The following CERKL variants were observed in gnomAD, a reference collection of about 807,000 sequenced individuals.
The protein encoded by CERKL is CERK like autophagy regulator.
Under a neutral mutation model 63.4 loss-of-function variants are expected in CERKL, and 61 were observed. The observed-to-expected ratio is 0.96, with a 90% CI of 0.78 to 1.19. CERKL has a LOEUF of 1.19. CERKL is among the 50% of genes most tolerant of loss of function. The probability of loss-of-function intolerance (pLI) is 0.00; values close to 1 mark genes in which losing one functional copy is unlikely to be tolerated. For missense variants in CERKL, 675 were observed against 655.5 expected (o/e 1.03, Z -0.33); for synonymous variants, 250 against 230.5 (o/e 1.08, Z -0.77).
intron 11 of CERKL, among the ~76,000 whole-genome samples, chr2:181,541,423 A>G (rs1281147788): frequency 6.6e-6 from 1 of 152,214 alleles, no homozygotes; most frequent in African/African-American, 2.4e-5. Context: ...AACCTTAGCC[A>G]ATGAATAAAA....
chr2:181,596,489 T>C (rs1685214773), intron 2 of CERKL, among the ~76,000 whole-genome samples: 1 of 152,180 alleles, frequency 6.6e-6, no homozygotes, highest in Non-Finnish European at 1.5e-5. Flanking sequence ...GGGCTGTTGA[T>C]GGACAAAGAG....
At chr2:181,653,889 A>C (rs1269645202) in intron 1 of CERKL, among the ~76,000 whole-genome samples, 1 of 152,224 alleles carries the variant, frequency 6.6e-6, no homozygotes. Context: ...TTACAAAATA[A>C]CTAGAAGAGA....
chr2:181,588,642 T>C (rs996169941), intron 2 of CERKL, among the ~76,000 whole-genome samples: 8 of 152,206 alleles, frequency 5.3e-5, no homozygotes, highest in Non-Finnish European at 8.8e-5. Context: ...GTAGTTCTAC[T>C]TTAAACTGTT....
intron 2 of CERKL, among the ~76,000 whole-genome samples, chr2:181,599,241 A>G (rs1640179060): frequency 6.6e-6 from 1 of 152,126 alleles, no homozygotes; most frequent in African/African-American, 2.4e-5. Context: ...ACATCAAAAT[A>G]CACTTGGAAG....
chr2:181,601,287 C>T (rs968147210), intron 2 of CERKL, among the ~76,000 whole-genome samples: 3 of 152,158 alleles, frequency 2.0e-5, no homozygotes, highest in Non-Finnish European at 4.4e-5. Context: ...CAGCCAGGTG[C>T]GGTGGCTAAC....
chr2:181,612,612 AT>A (rs1458083148), intron 1 of CERKL, among the ~76,000 whole-genome samples: 3 of 152,120 alleles, frequency 2.0e-5, no homozygotes, highest in Non-Finnish European at 4.4e-5. Context: ...AATTAAACAT[AT>A]TAAATATTAT....
chr2:181,562,454 A>G (rs182911358), intron 4 of CERKL, among the ~76,000 whole-genome samples: 1,782 of 152,330 alleles, frequency 0.012, 10 homozygotes, highest in Non-Finnish European at 0.019. Context: ...ACCTCTTTAA[A>G]TATTTTACAG....
chr2:181,584,059 C>A (rs72885331), intron 2 of CERKL, among the ~76,000 whole-genome samples: 1 of 152,038 alleles, frequency 6.6e-6, no homozygotes, highest in African/African-American at 2.4e-5. Context: ...AACACATTGG[C>A]AGAATAAAAT....
intron 2 of CERKL, among the ~76,000 whole-genome samples, chr2:181,590,993 AC>A (rs1001554746): frequency 1.3e-4 from 20 of 151,872 alleles, no homozygotes; most frequent in African/African-American, 4.1e-4. Flanking sequence ...GATACTAGAA[AC>A]AGTCAAAATG....
At chr2:181,582,096 C>G (rs1021628481) in intron 2 of CERKL, among the ~76,000 whole-genome samples, 2 of 152,196 alleles carry the variant, frequency 1.3e-5, no homozygotes, top group Non-Finnish European at 1.5e-5. Flanking sequence ...TCTCTTTCAA[C>G]TCGACTAATT....
At chr2:181,609,899 C>T (rs761729507) in intron 1 of CERKL, among the ~76,000 whole-genome samples, 1 of 151,980 alleles carries the variant, frequency 6.6e-6, no homozygotes, top group African/African-American at 2.4e-5. Flanking sequence ...TGATTTAGAA[C>T]TGACTAATCT....
chr2:181,565,388 G>A, intron 4 of CERKL: 1 of 1,396,492 alleles, frequency 7.2e-7, no homozygotes, highest in Non-Finnish European at 1.0e-6. Flanking sequence ...TAGCAAATTG[G>A]TTCACCTAAT....
At chr2:181,571,889 C>T (rs59974495) in intron 3 of CERKL, among the ~76,000 whole-genome samples, 15,991 of 152,180 alleles carry the variant, frequency 0.11, 945 homozygotes, top group African/African-American at 0.14. Flanking sequence ...AATTCATCTT[C>T]AGGATTAAAG....
At chr2:181,571,910 C>T (rs947745334) in intron 3 of CERKL, among the ~76,000 whole-genome samples, 5 of 152,256 alleles carry the variant, frequency 3.3e-5, no homozygotes, top group Non-Finnish European at 7.4e-5. Context: ...CATGTTGGGT[C>T]TCTCTTGCAC....
At chr2:181,577,777 G>A (rs567614702) in intron 2 of CERKL, among the ~76,000 whole-genome samples, 1 of 152,054 alleles carries the variant, frequency 6.6e-6, no homozygotes, top group African/African-American at 2.4e-5. Context: ...AGTTATGGTT[G>A]GCGAGTAAGG....
intron 1 of CERKL, among the ~76,000 whole-genome samples, chr2:181,629,867 CA>C (rs1403194475): frequency 6.6e-6 from 1 of 151,322 alleles, no homozygotes; most frequent in Non-Finnish European, 1.5e-5. Context: ...CCCATCTTTC[CA>C]AGCCATTTTA....
intron 8 of CERKL, 46 bp from the exon 9 acceptor site, chr2:181,547,893 G>A (rs370307513): frequency 9.8e-4 from 1,011 of 1,030,726 alleles, no homozygotes; most frequent in East Asian, 1.1e-3. Context: ...GATAACGCGC[G>A]CACAGACACA....
chr2:181,588,415 C>T (rs922460683), intron 2 of CERKL, among the ~76,000 whole-genome samples: 1 of 152,140 alleles, frequency 6.6e-6, no homozygotes, highest in African/African-American at 2.4e-5. Context: ...CACGTTGTGG[C>T]AAATGACAGG....
At chr2:181,603,790 T>C in intron 2 of CERKL, 47 bp downstream of exon 2, 1 of 1,587,438 alleles carries the variant, frequency 6.3e-7, no homozygotes, top group Non-Finnish European at 8.6e-7. Flanking sequence ...TAATCATGTA[T>C]ATCAAGGAAA....
Sources: allele counts gnomAD v4.1 joint callset (sites outside exome capture counted in the v4.1 genomes callset), GRCh38; gene constraint gnomAD v4.1.1; transcripts MANE v1.5; gene names NCBI Gene and HGNC (gene_info 2026-07-23, HGNC 2026-07-21).